Variants in ADAM22 observed in about 807,000 individuals in gnomAD.
ADAM22 encodes the protein ADAM metallopeptidase domain 22.
In ADAM22, 65 loss-of-function variants were observed where a neutral mutation model predicts 144.6. That is an observed-to-expected ratio of 0.45 (90% CI 0.37 to 0.55). ADAM22 has a LOEUF of 0.55. Ranked by LOEUF, ADAM22 falls within the 20% of genes least tolerant of loss-of-function variation. The probability of loss-of-function intolerance (pLI) is 0.00; values close to 1 mark genes in which losing one functional copy is unlikely to be tolerated. For synonymous variants in ADAM22, 391 were observed against 412.6 expected (o/e 0.95, Z 0.63); for missense variants, 974 against 1,184.9 (o/e 0.82, Z 2.61).
intron 8 of ADAM22, 108 bp from the exon 9 acceptor site, chr7:88,128,494 G>A (rs995113666): frequency 3.2e-5 from 27 of 847,692 alleles, no homozygotes; most frequent in Non-Finnish European, 5.1e-5. Context: ...AATGCTGAAG[G>A]AATAAAAAGG....
intron 3 of ADAM22, among the ~76,000 whole-genome samples, chr7:88,012,751 C>T (rs1403705320): frequency 6.6e-6 from 1 of 152,154 alleles, no homozygotes; most frequent in Non-Finnish European, 1.5e-5. Context: ...TAAGTAGGCT[C>T]ATCCCTCTGC....
chr7:88,181,882 C>T, intron 28 of ADAM22, 76 bp from the exon 29 acceptor site: 1 of 1,340,982 alleles, frequency 7.5e-7, no homozygotes, highest in South Asian at 1.3e-5. Flanking sequence ...ATTATACCCA[C>T]TTGAAATGCC....
At chr7:88,013,323 C>T (rs1383681707) in intron 3 of ADAM22, among the ~76,000 whole-genome samples, 1 of 152,092 alleles carries the variant, frequency 6.6e-6, no homozygotes, top group East Asian at 1.9e-4. Flanking sequence ...AGCTTTTTTT[C>T]CTTGTGAAAA....
At chr7:87,998,099 A>T (rs1410532706) in intron 3 of ADAM22, among the ~76,000 whole-genome samples, 1 of 152,196 alleles carries the variant, frequency 6.6e-6, no homozygotes, top group East Asian at 1.9e-4. Flanking sequence ...CATCCAGCAC[A>T]GGAGGAAGAT....
At chr7:87,984,364 T>C (rs1369623566) in intron 3 of ADAM22, among the ~76,000 whole-genome samples, 4 of 152,050 alleles carry the variant, frequency 2.6e-5, no homozygotes, top group Admixed American at 2.0e-4. Flanking sequence ...CCCAAACCTA[T>C]CTATAGGCCT....
At chr7:88,081,214 A>G (rs919443969) in intron 4 of ADAM22, among the ~76,000 whole-genome samples, 3 of 152,210 alleles carry the variant, frequency 2.0e-5, no homozygotes, top group Admixed American at 6.5e-5. Context: ...GTAATCCAGC[A>G]TATAGACAGA....
chr7:88,166,718 A>G (rs1397469362), intron 24 of ADAM22, among the ~76,000 whole-genome samples: 1 of 152,192 alleles, frequency 6.6e-6, no homozygotes, highest in Non-Finnish European at 1.5e-5. Flanking sequence ...AAAGAAAATC[A>G]TAGGATGATT....
chr7:88,130,750 T>C (rs894919540), intron 10 of ADAM22, among the ~76,000 whole-genome samples: 3 of 152,146 alleles, frequency 2.0e-5, no homozygotes, highest in Non-Finnish European at 4.4e-5. Flanking sequence ...CAGTGACTTA[T>C]AACGATGGAG....
At chr7:87,977,436 A>G (rs1388572061) in intron 2 of ADAM22, among the ~76,000 whole-genome samples, 1 of 152,336 alleles carries the variant, frequency 6.6e-6, no homozygotes, top group East Asian at 1.9e-4. Flanking sequence ...AATCTCTAAA[A>G]TAATGTTTGT....
intron 30 of ADAM22, among the ~76,000 whole-genome samples, chr7:88,190,433 G>T (rs1849363141): frequency 1.3e-5 from 2 of 152,192 alleles, no homozygotes; most frequent in East Asian, 3.9e-4. Context: ...TACTCGGGAG[G>T]CTGAGGCAGG....
At chr7:87,934,647 A>T in intron 1 of ADAM22, 97 bp downstream of exon 1, 11 of 988,230 alleles carry the variant, frequency 1.1e-5, no homozygotes, top group Admixed American at 3.4e-5. Context: ...CCATTTCCCG[A>T]GTGCGCGGGG....
intron 4 of ADAM22, among the ~76,000 whole-genome samples, chr7:88,089,616 C>T (rs1819324876): frequency 2.6e-5 from 4 of 152,262 alleles, no homozygotes; most frequent in African/African-American, 9.6e-5. Flanking sequence ...CTTGAATTCT[C>T]ACTTCAGTAG....
chr7:88,018,922 C>A (rs185004024), intron 3 of ADAM22, among the ~76,000 whole-genome samples: 5 of 152,280 alleles, frequency 3.3e-5, no homozygotes, highest in Non-Finnish European at 7.4e-5. Context: ...GTATTATCAG[C>A]ACACATTGCT....
rs1415710421 is a variant in ADAM22 at position 88,196,717 on chromosome 7, A to G, written c.*226A>G. ...AAAAGAACTACTGAAATATTACACTATAACATGGAACAATAAAGGTACTGG... is the reference window on the plus strand; with the variant it reads ...AAAAGAACTACTGAAATATTACACTGTAACATGGAACAATAAAGGTACTGG... On this transcript the variant is annotated 3_prime_UTR_variant, in exon 32 of 32. Coordinates refer to ENST00000413139, the MANE Select transcript of ADAM22 (RefSeq NM_001324418.2). 1.4e-5 allele frequency: 8 copies of G among 568,930 alleles called. No individual in the cohort carries two copies. The highest frequency in any genetic ancestry group is 6.0e-5 in the Admixed American group (2 of 33,272). The allele number at this position is 568,930 out of a possible 1,614,324, so 35.2% of individuals were successfully genotyped here. A position where few individuals can be genotyped will look rare whatever the true frequency, so the allele number is the denominator to read the frequency against.
intron 3 of ADAM22, among the ~76,000 whole-genome samples, chr7:88,031,521 G>A (rs960127491): frequency 2.0e-5 from 3 of 152,152 alleles, no homozygotes; most frequent in Admixed American, 2.0e-4. Flanking sequence ...CCTGCTCTAG[G>A]GATCAGTTGA....
Position 87,934,373 on chromosome 7 carries a change from G to C in ADAM22, c.-93G>C, listed in dbSNP as rs1046228041. The C allele has an allele frequency of 2.3e-6, 3 of 1,303,320 alleles. No individual in the cohort carries two copies. The highest frequency in any genetic ancestry group is 3.0e-5 in the African/African-American group (2 of 65,760). The allele number at this position is 1,303,320 out of a possible 1,614,324, so 80.7% of individuals were successfully genotyped here. A position where few individuals can be genotyped will look rare whatever the true frequency, so the allele number is the denominator to read the frequency against. ...CCGGGGCTGGGTGGAGGTGGCCGCG[G>C]GGACCCCGGGGGCGCGGAGCGAGGG... On this transcript the variant is annotated 5_prime_UTR_variant, in exon 1 of 32. Coordinates refer to ENST00000413139, the MANE Select transcript of ADAM22 (RefSeq NM_001324418.2).
rs556864883 is a variant in ADAM22, at chr7:88,199,204, A to T, written c.*2713A>T. The T allele has an allele frequency of 5.3e-5, 8 of 152,340 alleles. No homozygotes were observed. The South Asian group carries it at 1.0e-3, about 20-fold the overall frequency. The allele number at this position is 152,340 out of a possible 1,614,324, so 9.4% of individuals were successfully genotyped here. On this transcript the variant is annotated 3_prime_UTR_variant, in exon 32 of 32. Coordinates refer to ENST00000413139, the MANE Select transcript of ADAM22 (RefSeq NM_001324418.2). ...TGGAGAGAAACTTTGAGGCCGTATCACAGTTTATATCATGCAACTAATATT... is the reference window on the plus strand; with the variant it reads ...TGGAGAGAAACTTTGAGGCCGTATCTCAGTTTATATCATGCAACTAATATT...
At position 87,973,838 on chromosome 7, in the gene ADAM22, A is replaced by C. The variant is rs181611868; in HGVS notation, c.247-4498A>C. ...TCATTCTCAGCAAACTATCGTGAGG[A>C]CAAAAAACCAAACACCGCATATTCT... On this transcript the variant is annotated intron_variant, in intron 2 of 31. Coordinates refer to ENST00000413139, the MANE Select transcript of ADAM22 (RefSeq NM_001324418.2). 2.5e-3 allele frequency among the ~76,000 whole-genome samples: 380 copies of C among 152,232 alleles called. 1 individual carries two copies. The highest frequency in any genetic ancestry group is 8.7e-3 in the African/African-American group (363 of 41,530).
Position 88,199,508 on chromosome 7 carries a change from C to G in ADAM22, c.*3017C>G, listed in dbSNP as rs1275797658. On this transcript the variant is annotated 3_prime_UTR_variant, in exon 32 of 32. Coordinates refer to ENST00000413139, the MANE Select transcript of ADAM22 (RefSeq NM_001324418.2). The stretch of plus-strand genomic sequence containing the variant: ...GAGTGGACTGGCCACATGAACTGTC[C>G]TCCAGCCACTCTTTATTTAGATGGG... 6.6e-6 allele frequency: 1 copy of G among 152,190 alleles called. No individual in the cohort carries two copies. Among genetic ancestry groups the G allele is most frequent in the Non-Finnish European group, 1.5e-5 (1 of 68,062 alleles). 9.4% of individuals were successfully genotyped at this position (152,190 alleles called of 1,614,324 possible).
Sources: allele counts gnomAD v4.1 joint callset (sites outside exome capture counted in the v4.1 genomes callset), GRCh38; gene constraint gnomAD v4.1.1; transcripts MANE v1.5; gene names NCBI Gene and HGNC (gene_info 2026-07-23, HGNC 2026-07-21).